KIF23: variants seen among roughly 807,000 people sequenced by gnomAD.
KIF23 encodes kinesin family member 23, also known as kinesin-like protein KIF23.
KIF23 carries 30 observed loss-of-function variants against 137.5 expected under a neutral mutation model. The ratio of observed to expected loss-of-function variants is 0.22; its 90% CI spans 0.16 to 0.30. The LOEUF (loss-of-function observed/expected upper bound fraction) is 0.30. Among genes scored for constraint, KIF23 ranks in the 10% least tolerant of loss-of-function variants. The pLI, the probability that KIF23 is intolerant of heterozygous loss-of-function variation, is 1.00. For synonymous variants in KIF23, 367 were observed against 391.1 expected (o/e 0.94, Z 0.73); for missense variants, 920 against 1,194.3 (o/e 0.77, Z 3.38).
At chr15:69,442,146 T>C (rs979886272) in intron 19 of KIF23, among the ~76,000 whole-genome samples, 2 of 152,198 alleles carry the variant, frequency 1.3e-5, no homozygotes, top group African/African-American at 2.4e-5. Flanking sequence ...TAAAATAGTC[T>C]CACCCTGTCC....
chr15:69,437,456 CTT>C (rs772460557), intron 15 of KIF23, among the ~76,000 whole-genome samples: 5 of 120,552 alleles, frequency 4.1e-5, no homozygotes, highest in Non-Finnish European at 5.2e-5. Context: ...AATGTATCTA[CTT>C]TTTTTTTTTT....
At chr15:69,430,671 T>C (rs2057334752) in intron 11 of KIF23, among the ~76,000 whole-genome samples, 1 of 152,180 alleles carries the variant, frequency 6.6e-6, no homozygotes, top group African/African-American at 2.4e-5. Context: ...AAGTAGAGGA[T>C]GTAAGTTGGT....
rs917311305 is a variant in KIF23, at chr15:69,444,104, G to A, written c.2422-686G>A. ...ATTACAGGCATGTACCACCATGCCT[G>A]GCCTAGCAACTAGTCTTTTATTGTG... On this transcript the variant is annotated intron_variant, in intron 19 of 23. Transcript: ENST00000679126. This position sits in a 1 kb window ranked among gnomAD's most constrained non-coding sequence, Gnocchi z 4.2. 3 of 152,076 alleles carry A rather than the reference G, an allele frequency of 2.0e-5. No individual in the cohort carries two copies. The highest frequency in any genetic ancestry group is 4.4e-5 in the Non-Finnish European group (3 of 68,046). The allele number at this position is 152,076 out of a possible 1,614,324, so 9.4% of individuals were successfully genotyped here.
intron 16 of KIF23, among the ~76,000 whole-genome samples, chr15:69,439,616 T>A (rs2057566534): frequency 6.6e-6 from 1 of 152,226 alleles, no homozygotes; most frequent in African/African-American, 2.4e-5. Flanking sequence ...ATAGTTTTTT[T>A]AAATTCTGAA....
Position 69,422,422 on chromosome 15 carries a change from ACTT to A in KIF23, c.556_558del (p.Ser187del), listed in dbSNP as rs750863600. 3.7e-5 allele frequency: 59 copies of A among 1,587,474 alleles called. No homozygotes were observed. The highest frequency in any genetic ancestry group is 8.9e-5 in the East Asian group (4 of 44,754). On this transcript the variant is annotated inframe_deletion, in exon 6 of 24. Transcript: ENST00000679126. ...AAGAGAAGCTATGCCCAATCCAAAGACTTCTTCTAGCAAGTAAGTAATTATATT... is the reference window on the plus strand; with the variant it reads ...AAGAGAAGCTATGCCCAATCCAAAGACTTCTAGCAAGTAAGTAATTATATT...
rs1206818299 is a variant in KIF23 at position 69,426,400 on chromosome 15, G to A, written c.954G>A (p.Val318=). ...GTGAGTCCAGCCGTTCCCATAGCGT[G>A]TTCAACATTAAATTAGTTCAGGCTC... ...LNRESSRSHS[V]FNIKLVQAPL... is the part of the protein sequence containing the mutation. Residue 318 remains valine (V), a synonymous_variant, in exon 10 of 24, where the codon GTG becomes GTA. Transcript: ENST00000679126. 2 of 1,613,942 alleles carry A rather than the reference G, an allele frequency of 1.2e-6. No homozygotes were observed. Among genetic ancestry groups the A allele is most frequent in the African/African-American group, 2.7e-5 (2 of 74,908 alleles).
At position 69,435,479 on chromosome 15, in the gene KIF23, T is replaced by A. The variant is rs2057455219; in HGVS notation, c.1115-4T>A. On this transcript the variant is annotated splice_region_variant and splice_polypyrimidine_tract_variant and intron_variant, in intron 11 of 23. Transcript: ENST00000679126. ...AATGGCGTCTATGTATTTTTTTCTG[T>A]CAGGTAATATTAATCAGTCACTAAT... The A allele has an allele frequency of 6.2e-7, 1 of 1,610,962 alleles. No individual in the cohort carries two copies. The highest frequency in any genetic ancestry group is 8.5e-7 in the Non-Finnish European group (1 of 1,177,832).
In KIF23 at chr15:69,437,884, A is replaced by G. The variant is rs957661485; in HGVS notation, c.1598-364A>G. Among the ~76,000 whole-genome samples, 6 of 152,368 alleles carry G rather than the reference A, an allele frequency of 3.9e-5. No homozygotes were observed. The East Asian group carries it at 1.2e-3, about 29-fold the overall frequency. On this transcript the variant is annotated intron_variant, in intron 15 of 23. Coordinates refer to ENST00000679126, the MANE Select transcript of KIF23 (RefSeq NM_001367805.3). The stretch of plus-strand genomic sequence containing the variant: ...TATTAATTAACTCGCCTAAGTCATA[A>G]CTAGTAAGTGATGTTCCAAGGATTT...
intron 23 of KIF23, 79 bp downstream of exon 23, chr15:69,447,020 G>A (rs1567083748): frequency 8.0e-7 from 1 of 1,251,144 alleles, no homozygotes. Flanking sequence ...CCTTCTACCA[G>A]CCATCCACTT....
At chr15:69,422,504 C>G (rs147510915) in intron 6 of KIF23, 69 bp downstream of exon 6, 3 of 858,926 alleles carry the variant, frequency 3.5e-6, no homozygotes, top group African/African-American at 1.7e-5. Flanking sequence ...TTTGCCCAGA[C>G]ATGAGGAATG....
intron 20 of KIF23, among the ~76,000 whole-genome samples, chr15:69,445,348 A>G (rs930436961): frequency 1.3e-5 from 2 of 152,210 alleles, no homozygotes; most frequent in African/African-American, 4.8e-5. Context: ...ATCTAAGCAA[A>G]GAATTCCTAT....
chr15:69,445,147 C>T (rs1034402149), intron 20 of KIF23, 106 bp downstream of exon 20: 1 of 1,062,090 alleles, frequency 9.4e-7, no homozygotes, highest in Non-Finnish European at 1.3e-6. Flanking sequence ...TCAACTGGAA[C>T]ATCAGTAGGT....
At chr15:69,415,935 C>A in intron 1 of KIF23, 59 bp from the exon 2 acceptor site, 2 of 1,235,496 alleles carry the variant, frequency 1.6e-6, no homozygotes, top group Non-Finnish European at 2.2e-6. Context: ...TTAGGTGAGG[C>A]TTTTGTATTC....
chr15:69,422,237 T>C, intron 5 of KIF23, 89 bp from the exon 6 acceptor site: 2 of 1,449,412 alleles, frequency 1.4e-6, no homozygotes, highest in East Asian at 2.3e-5. Flanking sequence ...AAACCTTAAC[T>C]GTTCCTTAGT....
At chr15:69,435,623 AAC>A (rs1363501766) in intron 12 of KIF23, 27 bp from the exon 13 acceptor site, 1 of 1,612,662 alleles carries the variant, frequency 6.2e-7, no homozygotes. Flanking sequence ...TTTTTTGCGT[AAC>A]ACATTTGGAT....
Position 69,417,371 on chromosome 15 carries a change from C to T in KIF23, c.82-12C>T. ...CGAACTTTCTTCTTAAAGCACCTTC[C>T]TATTTCTTCAGGTATACTGTAGGGT... On this transcript the variant is annotated splice_polypyrimidine_tract_variant and intron_variant, in intron 2 of 23. Transcript: ENST00000679126. 1 of 1,558,922 alleles carries T rather than the reference C, an allele frequency of 6.4e-7. No homozygotes were observed. Among genetic ancestry groups the T allele is most frequent in the Non-Finnish European group, 8.7e-7 (1 of 1,155,008 alleles).
Position 69,440,943 on chromosome 15 carries a change from G to A in KIF23, c.2285G>A (p.Arg762His), listed in dbSNP as rs769245123. The change falls in exon 19 of 24, where the codon CGT becomes CAT. Residue 762 changes from arginine (R) to histidine (H), a missense_variant. By Grantham distance (29) the Arg-to-His change is conservative. Around this residue, in one of 4 missense-constraint regions of KIF23, gnomAD observed 714 missense variants for 866.2 expected, o/e 0.82. Coordinates refer to ENST00000679126, the MANE Select transcript of KIF23 (RefSeq NM_001367805.3). The stretch of plus-strand genomic sequence containing the variant: ...CTCAAAGTCACATCTATTGCAAGGC[G>A]TAGGCAGCAGGAGCCAGGACAAAGC... The part of the protein sequence containing the change: ...TPLKVTSIAR[R>H]RQQEPGQSKT... The A allele has an allele frequency of 2.4e-5, 39 of 1,614,086 alleles. 1 individual carries two copies. The South Asian group carries it at 2.9e-4, about 12-fold the overall frequency.
intron 7 of KIF23, among the ~76,000 whole-genome samples, chr15:69,424,719 G>C (rs184112495): frequency 6.6e-6 from 1 of 152,194 alleles, no homozygotes. Context: ...GGTTGCCCAG[G>C]TTGGTCTCGA....
At position 69,436,223 on chromosome 15, in the gene KIF23, G is replaced by A. The variant is rs775884734; in HGVS notation, c.1400G>A (p.Arg467Lys). 14 of 1,613,822 alleles carry A rather than the reference G, an allele frequency of 8.7e-6. No homozygotes were observed. In the African/African-American group the frequency reaches 1.9e-4, roughly 22 times the overall value. ...DKAICGLTPG[R>K]RYRNQPRGPV... ...GCAATATGTGGTTTAACGCCTGGGA[G>A]GAGATACAGAAACCAGCCTCGAGGT... is the stretch of plus-strand genomic sequence containing the variant. The change falls in exon 14 of 24, where the codon AGG becomes AAG. Residue 467 changes from arginine to lysine, a missense_variant. Coordinates refer to ENST00000679126, the MANE Select transcript of KIF23 (RefSeq NM_001367805.3).
Sources: gnomAD v4.1 joint callset for allele counts (sites outside exome capture counted in the v4.1 genomes callset) on GRCh38, gnomAD v4.1.1 for gene constraint, gnomAD v4.1.1 regional missense constraint, Gnocchi (gnomAD v3.1) non-coding constraint, MANE v1.5 for transcripts, NCBI Gene and HGNC (gene_info 2026-07-23, HGNC 2026-07-21) for gene names.